LAMA1: variants seen among roughly 807,000 people sequenced by gnomAD.
The protein encoded by LAMA1 is laminin subunit alpha-1.
Under a neutral mutation model 348.7 loss-of-function variants are expected in LAMA1, and 219 were observed. The ratio of observed to expected loss-of-function variants is 0.63; its 90% CI spans 0.56 to 0.70. The LOEUF is 0.70. LAMA1 is among the 30% of genes least tolerant of loss of function. LAMA1 has a pLI of 0.00. For synonymous variants in LAMA1, 1,487 were observed against 1,491.0 expected (o/e 1.00, Z 0.06); for missense variants, 3,744 against 3,888.0 (o/e 0.96, Z 0.99).
intron 40 of LAMA1, 150 bp from the exon 41 acceptor site, chr18:6,982,740 T>G (rs2057717743): frequency 2.7e-6 from 2 of 738,854 alleles, no homozygotes; most frequent in East Asian, 5.2e-5. Context: ...TTAAAATGGC[T>G]GAGGCAAGAG....
chr18:6,972,746 A>G (rs1475699285), intron 47 of LAMA1, among the ~76,000 whole-genome samples: 3 of 152,092 alleles, frequency 2.0e-5, no homozygotes, highest in Admixed American at 2.0e-4. Flanking sequence ...CTGGAGTGCA[A>G]TGGCGCGATC....
intron 16 of LAMA1, 132 bp from the exon 17 acceptor site, chr18:7,026,238 T>C (rs995713078): frequency 5.8e-6 from 6 of 1,029,472 alleles, no homozygotes; most frequent in Middle Eastern, 4.2e-4. Flanking sequence ...CTCTGAGCTA[T>C]ATGAGGAAGG....
chr18:6,992,265 T>C (rs572733458), intron 36 of LAMA1, among the ~76,000 whole-genome samples: 3 of 152,332 alleles, frequency 2.0e-5, no homozygotes, highest in Non-Finnish European at 4.4e-5. Flanking sequence ...TACAGTACCA[T>C]GAGGCTATGC....
chr18:6,986,283 C>A lies in LAMA1; in HGVS notation c.5233G>T (p.Val1745Leu). 6.2e-7 allele frequency: 1 copy of A among 1,614,168 alleles called. No homozygotes were observed. Among genetic ancestry groups the A allele is most frequent in the Non-Finnish European group, 8.5e-7 (1 of 1,180,032 alleles). ...ACGTGGCTTGCTGCTTCTTTCAATA[C>A]CTCCAATTCTTCCAGCGGCTTCTGG... ...NYQKPLEELE[V>L]LKEAASHVLS... The change falls in exon 37 of 63, where the codon GTA becomes TTA. Residue 1745 changes from valine (V) to leucine (L), a missense_variant. By Grantham distance (32) the Val-to-Leu change is conservative (BLOSUM62 1). Around this residue, in one of 3 missense-constraint regions of LAMA1, gnomAD observed 1,983 missense variants for 1,934.3 expected, o/e 1.03. Transcript: ENST00000389658.
intron 14 of LAMA1, among the ~76,000 whole-genome samples, 195 bp downstream of exon 14, chr18:7,034,284 G>C (rs902132838): frequency 6.6e-6 from 1 of 152,144 alleles, no homozygotes; most frequent in African/African-American, 2.4e-5. Context: ...GGATACACTT[G>C]ATGTGGATAA....
intron 1 of LAMA1, among the ~76,000 whole-genome samples, chr18:7,115,281 G>C (rs1598327112): frequency 6.6e-6 from 1 of 152,138 alleles, no homozygotes; most frequent in South Asian, 2.1e-4. Flanking sequence ...CCTTAGAATT[G>C]TCTATTTTAG....
At chr18:7,043,761 T>TTA (rs142057523) in intron 7 of LAMA1, among the ~76,000 whole-genome samples, 4,480 of 152,240 alleles carry the variant, frequency 0.029, 212 homozygotes, top group African/African-American at 0.1. Flanking sequence ...GTTTAATAAA[T>TTA]TATACTACAT....
Position 6,955,569 on chromosome 18 carries a change from G to A in LAMA1, c.8095-104C>T, listed in dbSNP as rs901565196. ...GGCCATCTACGAAGCAATCCCATTA[G>A]AACAGCAACAACCACCAGTGCCTGT... On this transcript the variant is annotated intron_variant, in intron 56 of 62. Transcript: ENST00000389658. The A allele has an allele frequency of 3.9e-6, 3 of 779,144 alleles. No individual in the cohort carries two copies. In the African/African-American group the frequency reaches 5.1e-5, roughly 13 times the overall value. 48.3% of individuals were successfully genotyped at this position (779,144 alleles called of 1,614,324 possible). A position where few individuals can be genotyped will look rare whatever the true frequency, so the allele number is the denominator to read the frequency against.
intron 18 of LAMA1, 108 bp downstream of exon 18, chr18:7,024,272 A>C: frequency 1.3e-6 from 1 of 755,624 alleles, no homozygotes; most frequent in East Asian, 2.7e-5. Context: ...TGAAATAACA[A>C]TTATGCATCA....
intron 12 of LAMA1, among the ~76,000 whole-genome samples, chr18:7,037,220 G>C (rs2057999161): frequency 6.6e-6 from 1 of 152,136 alleles, no homozygotes; most frequent in African/African-American, 2.4e-5. Flanking sequence ...CTAAGCCATG[G>C]AGGCTCTAAG....
At chr18:7,115,495 G>C (rs1039902773) in intron 1 of LAMA1, among the ~76,000 whole-genome samples, 1 of 152,070 alleles carries the variant, frequency 6.6e-6, no homozygotes, top group African/African-American at 2.4e-5. Flanking sequence ...AACCCAGAGA[G>C]ACTGCAGAAA....
chr18:7,010,782 T>C (rs1045846333), intron 25 of LAMA1, among the ~76,000 whole-genome samples: 1 of 152,202 alleles, frequency 6.6e-6, no homozygotes, highest in Non-Finnish European at 1.5e-5. Flanking sequence ...GTGATGCCTT[T>C]CATGATCTTT....
At chr18:7,020,628 C>G (rs1277609958) in intron 19 of LAMA1, among the ~76,000 whole-genome samples, 2 of 152,168 alleles carry the variant, frequency 1.3e-5, no homozygotes, top group African/African-American at 4.8e-5. Flanking sequence ...CAGAGACAGC[C>G]TGGTCAGCAT....
In LAMA1 at chr18:7,042,130, G is replaced by A. The variant is rs1396572636; in HGVS notation, c.1261+15C>T. On this transcript the variant is annotated intron_variant, in intron 9 of 62. Transcript: ENST00000389658. The stretch of plus-strand genomic sequence containing the variant: ...CAAAATCAATTACAAGCACAAAAGT[G>A]AATCAAGTACTTACCATTGTGTAAG... 7.1e-6 allele frequency: 11 copies of A among 1,548,372 alleles called. No homozygotes were observed. The highest frequency in any genetic ancestry group is 9.8e-6 in the Non-Finnish European group (11 of 1,123,658).
At chr18:6,963,338 G>C (rs186555531) in intron 51 of LAMA1, among the ~76,000 whole-genome samples, 2 of 152,312 alleles carry the variant, frequency 1.3e-5, no homozygotes, top group East Asian at 3.9e-4. Context: ...AGCATGACAG[G>C]GCATGAATCT....
Position 7,089,066 on chromosome 18 carries a change from T to A in LAMA1, c.62-8609A>T, listed in dbSNP as rs557924729. ...CCACAAGCTCTGCCAAAGGGATTAA[T>A]TGGGACCATAAAGGTAAAGAAACCT... On this transcript the variant is annotated intron_variant, in intron 1 of 62. Transcript: ENST00000389658. Among the ~76,000 whole-genome samples, 48 of 151,956 alleles carry A rather than the reference T, an allele frequency of 3.2e-4. No homozygotes were observed. The South Asian group carries it at 9.8e-3, about 31-fold the overall frequency.
In LAMA1 at chr18:7,023,453, A is replaced by T. The variant is rs916433359; in HGVS notation, c.2490-78T>A. Reference sequence around the variant, plus strand: ...ACCGCACTATCCAGGGACTCCCTGAATGGCTAATAAATCAGACGGACTCTG... The same window carrying T: ...ACCGCACTATCCAGGGACTCCCTGATTGGCTAATAAATCAGACGGACTCTG... On this transcript the variant is annotated intron_variant, in intron 18 of 62. Transcript: ENST00000389658. 6 of 1,165,720 alleles carry T rather than the reference A, an allele frequency of 5.1e-6. No homozygotes were observed. The African/African-American group carries it at 7.6e-5, about 15-fold the overall frequency. 72.2% of individuals were successfully genotyped at this position (1,165,720 alleles called of 1,614,324 possible).
intron 3 of LAMA1, among the ~76,000 whole-genome samples, chr18:7,066,138 G>A (rs2058122060): frequency 6.6e-6 from 1 of 152,104 alleles, no homozygotes; most frequent in African/African-American, 2.4e-5. Context: ...ATTTCCTATA[G>A]CCTAGAGAAC....
At chr18:7,058,476 T>C (rs1214344079) in intron 3 of LAMA1, among the ~76,000 whole-genome samples, 1 of 152,240 alleles carries the variant, frequency 6.6e-6, no homozygotes, top group Non-Finnish European at 1.5e-5. Flanking sequence ...GCAAAAGTCA[T>C]ACATTGAAGT....
Sources: allele counts gnomAD v4.1 joint callset (sites outside exome capture counted in the v4.1 genomes callset), GRCh38; gene constraint gnomAD v4.1.1; regional missense constraint gnomAD v4.1.1; transcripts MANE v1.5; gene names NCBI Gene and HGNC (gene_info 2026-07-23, HGNC 2026-07-21).